Variants in TRPS1 observed in about 807,000 individuals in gnomAD.
TRPS1 encodes transcriptional repressor GATA binding 1, also known as zinc finger transcription factor Trps1.
Under a neutral mutation model 101.2 loss-of-function variants are expected in TRPS1, and 6 were observed. The observed-to-expected ratio is 0.06, with a 90% confidence interval of 0.03 to 0.12. The LOEUF is 0.12. TRPS1 is among the 10% of genes least tolerant of loss of function. TRPS1 has a pLI of 1.00. For missense variants in TRPS1, 1,363 were observed against 1,567.0 expected (o/e 0.87, Z 2.20); for synonymous variants, 578 against 589.8 (o/e 0.98, Z 0.29).
intron 5 of TRPS1, among the ~76,000 whole-genome samples, chr8:115,527,043 G>A (rs1816015073): frequency 6.6e-6 from 1 of 152,062 alleles, no homozygotes; most frequent in South Asian, 2.1e-4. Flanking sequence ...ACATAAGACT[G>A]TGCAATTTAT....
At chr8:115,420,402 C>A (rs531554097) in intron 5 of TRPS1, among the ~76,000 whole-genome samples, 1 of 152,320 alleles carries the variant, frequency 6.6e-6, no homozygotes, top group South Asian at 2.1e-4. Flanking sequence ...TGGGGCTATC[C>A]TGTCATTTTC....
intron 1 of TRPS1, among the ~76,000 whole-genome samples, chr8:115,624,261 G>A (rs1000539215): frequency 6.6e-5 from 10 of 151,970 alleles, no homozygotes; most frequent in South Asian, 2.1e-4. Flanking sequence ...CAAAATGCCC[G>A]TTAGAGTAAG....
At chr8:115,511,108 T>C (rs189888959) in intron 5 of TRPS1, 2 of 152,036 alleles carry the variant, frequency 1.3e-5, no homozygotes, top group African/African-American at 4.8e-5. Flanking sequence ...TTCTGCCAGA[T>C]ATGAAATTAT....
intron 5 of TRPS1, among the ~76,000 whole-genome samples, chr8:115,530,632 T>C (rs1186944507): frequency 6.6e-6 from 1 of 152,182 alleles, no homozygotes; most frequent in African/African-American, 2.4e-5. Flanking sequence ...GATTTTTCCG[T>C]ATGTTTATTG....
Position 115,619,530 on chromosome 8 carries a change from A to G in TRPS1, c.568T>C (p.Leu190=), listed in dbSNP as rs746467171. The G allele has an allele frequency of 4.3e-6, 7 of 1,614,056 alleles. No homozygotes were observed. The African/African-American group carries it at 9.3e-5, about 22-fold the overall frequency. Residue 190 remains leucine, a synonymous_variant, in exon 3 of 7, where the codon TTG becomes CTG. Transcript: ENST00000395715. ...AQSGQANCQG[L]SPVSVASKNP... ...TTTGAGGCCACTGAAACTGGGCTCA[A>G]ACCTTGACAATTGGCTTGACCACTC...
chr8:115,482,244 T>C (rs2130068091), intron 5 of TRPS1, among the ~76,000 whole-genome samples: 1 of 152,298 alleles, frequency 6.6e-6, no homozygotes. Context: ...TAAGAATTAA[T>C]ATGTGTATGT....
intron 1 of TRPS1, among the ~76,000 whole-genome samples, chr8:115,662,691 T>TGA (rs1554605673): frequency 9.3e-6 from 1 of 107,602 alleles, no homozygotes; most frequent in African/African-American, 2.9e-5. Context: ...TGACTATTTA[T>TGA]AAAAAAAAAA....
Position 115,414,638 on chromosome 8 carries a change from G to T in TRPS1, c.3270C>A (p.His1090Gln). The change falls in exon 7 of 7, where the codon CAC (histidine) becomes CAA (glutamine). Residue 1090 changes from histidine (H) to glutamine (Q), a missense_variant. Coordinates refer to ENST00000395715, the MANE Select transcript of TRPS1 (RefSeq NM_014112.5). This position sits in a 1 kb window ranked among gnomAD's most constrained non-coding sequence, Gnocchi z 4.8. Reference protein sequence around the residue: ...PIEKYMRPAKHPNYSPPGSPI... With the variant: ...PIEKYMRPAKQPNYSPPGSPI... ...GGCTGCCTGGTGGTGAATAATTTGG[G>T]TGTTTCGCAGGTCTCATGTACTTTT... 6.2e-7 allele frequency: 1 copy of T among 1,614,048 alleles called. No individual in the cohort carries two copies. The highest frequency in any genetic ancestry group is 1.1e-5 in the South Asian group (1 of 91,080).
At chr8:115,480,440 C>G (rs1416027037) in intron 5 of TRPS1, among the ~76,000 whole-genome samples, 1 of 152,012 alleles carries the variant, frequency 6.6e-6, no homozygotes, top group African/African-American at 2.4e-5. Context: ...GTAATTTATG[C>G]TATGAAATGG....
intron 5 of TRPS1, among the ~76,000 whole-genome samples, chr8:115,472,104 T>C (rs1355156841): frequency 1.3e-5 from 2 of 152,220 alleles, no homozygotes; most frequent in Non-Finnish European, 2.9e-5. Context: ...GGGAACTCTT[T>C]GTGGGGGGGC....
Position 115,587,229 on chromosome 8 carries a change from C to A in TRPS1, c.2472G>T (p.Leu824=). The A allele has an allele frequency of 6.2e-7, 1 of 1,614,256 alleles. No homozygotes were observed. The highest frequency in any genetic ancestry group is 8.5e-7 in the Non-Finnish European group (1 of 1,180,038). ...RGSPSYTQAS[L]GLLTPVSGTQ... ...TGCCAGACACAGGCGTCAGCAGCCC[C>A]AGGCTTGCTTGGGTGTATGACGGAC... is the stretch of plus-strand genomic sequence containing the variant. Residue 824 remains leucine, a synonymous_variant, in exon 5 of 7, where the codon CTG becomes CTT. Coordinates refer to ENST00000395715, the MANE Select transcript of TRPS1 (RefSeq NM_014112.5).
rs145758792 is a variant in TRPS1, at chr8:115,495,463, AAT to A, written c.2701-77013_2701-77012del. ...AAATTATGGCAGAAAGGAGGAAAAA[AAT>A]ATATATATATATATTTAAATTATAT... On this transcript the variant is annotated intron_variant, in intron 5 of 6. Transcript: ENST00000395715. Among the ~76,000 whole-genome samples the A allele has an allele frequency of 7.5e-4, 111 of 148,250 alleles. 2 individuals carry two copies. The South Asian group carries it at 0.014, about 18-fold the overall frequency.
chr8:115,651,168 A>G (rs368679710), intron 1 of TRPS1, among the ~76,000 whole-genome samples: 30 of 152,328 alleles, frequency 2.0e-4, no homozygotes, highest in South Asian at 4.1e-4. Context: ...CACATATAAT[A>G]TCAGTAAAGT....
intron 5 of TRPS1, among the ~76,000 whole-genome samples, chr8:115,527,038 AG>A (rs1816014830): frequency 6.6e-6 from 1 of 152,118 alleles, no homozygotes; most frequent in South Asian, 2.1e-4. Context: ...TGGGAACATA[AG>A]ACTGTGCAAT....
chr8:115,659,832 C>A (rs961039373), intron 1 of TRPS1, among the ~76,000 whole-genome samples: 3 of 151,718 alleles, frequency 2.0e-5, no homozygotes, highest in Non-Finnish European at 4.4e-5. Flanking sequence ...TTAAATTAAC[C>A]CTCAAATAGG....
intron 5 of TRPS1, among the ~76,000 whole-genome samples, chr8:115,444,234 G>T (rs941886648): frequency 1.3e-5 from 2 of 152,122 alleles, no homozygotes; most frequent in South Asian, 4.2e-4. Context: ...AATAGAACAG[G>T]TGCTCTGATA....
chr8:115,468,498 T>C (rs1310770055), intron 5 of TRPS1, among the ~76,000 whole-genome samples: 1 of 152,232 alleles, frequency 6.6e-6, no homozygotes, highest in African/African-American at 2.4e-5. Flanking sequence ...CAGCCTTTTG[T>C]GAGTCACATA....
intron 5 of TRPS1, among the ~76,000 whole-genome samples, chr8:115,422,981 C>A (rs1813104547): frequency 6.6e-6 from 1 of 152,136 alleles, no homozygotes; most frequent in African/African-American, 2.4e-5. Flanking sequence ...TAGCACAAAA[C>A]TTTCTCTCCT....
At chr8:115,564,900 A>C (rs1391041681) in intron 5 of TRPS1, among the ~76,000 whole-genome samples, 2 of 152,136 alleles carry the variant, frequency 1.3e-5, no homozygotes, top group Non-Finnish European at 2.9e-5. Context: ...TTACATTCAT[A>C]GGTTTATAAA....
Sources: allele counts gnomAD v4.1 joint callset (sites outside exome capture counted in the v4.1 genomes callset), GRCh38; gene constraint gnomAD v4.1.1; non-coding constraint Gnocchi (gnomAD v3.1); transcripts MANE v1.5; gene names NCBI Gene and HGNC (gene_info 2026-07-23, HGNC 2026-07-21).